The following TTC28 variants were observed in gnomAD, a reference collection of about 807,000 sequenced individuals.
The protein encoded by TTC28 is tetratricopeptide repeat domain 28, also known as tetratricopeptide repeat protein 28.
Under a neutral mutation model 198.0 loss-of-function variants are expected in TTC28, and 61 were observed. The ratio of observed to expected loss-of-function variants is 0.31; its 90% CI spans 0.25 to 0.38. The LOEUF is 0.38. Ranked by LOEUF, TTC28 falls within the 10% of genes least tolerant of loss-of-function variation. TTC28 has a pLI of 1.00. For synonymous variants in TTC28, 1,171 were observed against 1,297.8 expected, an observed-to-expected ratio of 0.90 and a Z score of 2.10; for missense variants, 2,678 against 3,164.0, an observed-to-expected ratio of 0.85 and a Z score of 3.69.
At chr22:28,570,905 G>A (rs2146025654) in intron 2 of TTC28, among the ~76,000 whole-genome samples, 1 of 152,190 alleles carries the variant, frequency 6.6e-6, no homozygotes, top group South Asian at 2.1e-4. Flanking sequence ...GAGGAGTGTG[G>A]GAATTCCTTG....
Position 28,560,796 on chromosome 22 carries a change from C to A in TTC28, c.381+68756G>T, listed in dbSNP as rs193186514. Among the ~76,000 whole-genome samples, 729 of 152,220 alleles carry A rather than the reference C, an allele frequency of 4.8e-3. 3 individuals are homozygous for A. Among genetic ancestry groups the A allele is most frequent in the Non-Finnish European group, 6.4e-3 (434 of 68,004 alleles). On this transcript the variant is annotated intron_variant, in intron 2 of 22. Transcript: ENST00000397906. ...TGTTTGAGACAGAGTCTCCCTCTGT[C>A]ACCCAGGCTGGAGTGCAGTGGCATG...
At chr22:28,640,315 G>C (rs13056909) in intron 1 of TTC28, among the ~76,000 whole-genome samples, 3,450 of 111,244 alleles carry the variant, frequency 0.031, 77 homozygotes, top group Non-Finnish European at 0.045. Context: ...AAAGTAAAGG[G>C]GGGGGGGGGA....
chr22:28,108,205 A>C lies in TTC28; in HGVS notation c.1640T>G (p.Val547Gly), dbSNP rs1569143918. ...HRQELQISMEVNDRASQASTH... is the reference protein window; with the variant it reads ...HRQELQISMEGNDRASQASTH... ...GGAGGCCTGTGAGGCGCGGTCATTC[A>C]CTTCCATGGAGATCTGCAGCTCCTG... Residue 547 changes from valine to glycine, a missense_variant, in exon 7 of 23, where the codon GTG becomes GGG. This residue lies in a region of TTC28 where 775 missense variants were observed against 845.9 expected (regional missense o/e 0.92). Coordinates refer to ENST00000397906, the MANE Select transcript of TTC28 (RefSeq NM_001145418.2). The C allele has an allele frequency of 1.9e-6, 3 of 1,551,460 alleles. No individual in the cohort carries two copies. The highest frequency in any genetic ancestry group is 2.4e-5 in the East Asian group (1 of 40,900).
At position 27,980,500 on chromosome 22, in the gene TTC28, T is replaced by G. The variant is rs926791433; in HGVS notation, c.*1721A>C. On this transcript the variant is annotated 3_prime_UTR_variant, in exon 23 of 23. Coordinates refer to ENST00000397906, the MANE Select transcript of TTC28 (RefSeq NM_001145418.2). ...TTATCCTTTCTTCTTTTCAGAGGAG[T>G]ACACTGAGGAACAGGTGAGATTGTC... 6.6e-6 allele frequency: 1 copy of G among 152,134 alleles called. No homozygotes were observed. The highest frequency in any genetic ancestry group is 6.5e-5 in the Admixed American group (1 of 15,274). The allele number at this position is 152,134 out of a possible 1,614,324, so 9.4% of individuals were successfully genotyped here. A position where few individuals can be genotyped will look rare whatever the true frequency, so the allele number is the denominator to read the frequency against.
At chr22:28,154,231 G>A (rs1943689652) in intron 6 of TTC28, among the ~76,000 whole-genome samples, 1 of 151,746 alleles carries the variant, frequency 6.6e-6, no homozygotes, top group Non-Finnish European at 1.5e-5. Flanking sequence ...GCCTAAATTA[G>A]AATGAGAAAG....
At chr22:28,126,336 G>C (rs989905742) in intron 6 of TTC28, among the ~76,000 whole-genome samples, 1 of 152,188 alleles carries the variant, frequency 6.6e-6, no homozygotes, top group Non-Finnish European at 1.5e-5. Flanking sequence ...CGAGTTTCCA[G>C]TGTTTTATAA....
At chr22:28,012,281 G>A (rs1490387941) in intron 14 of TTC28, among the ~76,000 whole-genome samples, 1 of 152,192 alleles carries the variant, frequency 6.6e-6, no homozygotes, top group African/African-American at 2.4e-5. Flanking sequence ...TCATTAAAAG[G>A]AGGACGCAGG....
chr22:28,436,791 A>C (rs2047527042), intron 2 of TTC28, among the ~76,000 whole-genome samples: 1 of 152,236 alleles, frequency 6.6e-6, no homozygotes, highest in African/African-American at 2.4e-5. Context: ...AGCTGCTGAG[A>C]GGCTGGACTA....
intron 2 of TTC28, among the ~76,000 whole-genome samples, chr22:28,554,885 AAAG>A (rs1488071929): frequency 6.6e-6 from 1 of 152,224 alleles, no homozygotes; most frequent in Admixed American, 6.5e-5. Context: ...AAGGAAAAAA[AAAG>A]AAAGAAATAA....
intron 2 of TTC28, among the ~76,000 whole-genome samples, chr22:28,497,559 T>A (rs1354909518): frequency 6.6e-6 from 1 of 152,180 alleles, no homozygotes; most frequent in Non-Finnish European, 1.5e-5. Flanking sequence ...GAGTCTCAGG[T>A]ATCTAGATTT....
chr22:28,416,642 C>A (rs2047171514), intron 2 of TTC28, among the ~76,000 whole-genome samples: 1 of 141,862 alleles, frequency 7.0e-6, no homozygotes, highest in Non-Finnish European at 1.6e-5. Flanking sequence ...GTGAGCTCCA[C>A]CAACATGACT....
intron 12 of TTC28, among the ~76,000 whole-genome samples, chr22:28,037,476 G>A (rs2146658261): frequency 6.6e-6 from 1 of 152,250 alleles, no homozygotes; most frequent in Non-Finnish European, 1.5e-5. Flanking sequence ...AACCCTTCAT[G>A]CTAAAAACTC....
intron 2 of TTC28, among the ~76,000 whole-genome samples, chr22:28,385,208 G>T (rs2046559338): frequency 6.7e-6 from 1 of 149,220 alleles, no homozygotes; most frequent in Non-Finnish European, 1.5e-5. Context: ...ATGTGACCCT[G>T]AACAAATTAT....
chr22:28,366,510 T>C (rs976110669), intron 2 of TTC28, among the ~76,000 whole-genome samples: 5 of 152,066 alleles, frequency 3.3e-5, no homozygotes, highest in Non-Finnish European at 1.5e-5. Flanking sequence ...AAGTAATAAG[T>C]ACTTAATAGA....
chr22:28,432,012 G>A (rs1176683033), intron 2 of TTC28, among the ~76,000 whole-genome samples: 6 of 147,542 alleles, frequency 4.1e-5, no homozygotes, highest in East Asian at 4.0e-4. Flanking sequence ...TAGGCCAGGC[G>A]CAGTGGCTCA....
intron 2 of TTC28, among the ~76,000 whole-genome samples, chr22:28,463,491 T>G (rs935316103): frequency 7.2e-5 from 11 of 152,142 alleles, no homozygotes; most frequent in Non-Finnish European, 1.2e-4. Flanking sequence ...CTACTCACAA[T>G]AGCAAAGACT....
At chr22:28,013,463 T>C (rs919158197) in intron 14 of TTC28, among the ~76,000 whole-genome samples, 30 of 152,226 alleles carry the variant, frequency 2.0e-4, no homozygotes, top group African/African-American at 7.0e-4. Context: ...GGCAGGTGAA[T>C]ACACACCACA....
chr22:28,003,463 TTGCTG>T (rs980211700), intron 14 of TTC28, among the ~76,000 whole-genome samples: 2 of 152,164 alleles, frequency 1.3e-5, no homozygotes, highest in Non-Finnish European at 2.9e-5. Context: ...TCGCAGGGCT[TTGCTG>T]TGACAAGATG....
intron 2 of TTC28, among the ~76,000 whole-genome samples, chr22:28,568,066 A>G (rs1407475712): frequency 6.6e-6 from 1 of 152,206 alleles, no homozygotes; most frequent in East Asian, 1.9e-4. Context: ...TTTTACAAGA[A>G]AGGAAAAGTT....
Sources: gnomAD v4.1 joint callset for allele counts (sites outside exome capture counted in the v4.1 genomes callset) on GRCh38, gnomAD v4.1.1 for gene constraint, gnomAD v4.1.1 regional missense constraint, MANE v1.5 for transcripts, NCBI Gene and HGNC (gene_info 2026-07-23, HGNC 2026-07-21) for gene names.